The following HCRTR1 variants were observed in gnomAD, a reference collection of about 807,000 sequenced individuals.
The protein encoded by HCRTR1 is hypocretin receptor 1, also known as orexin/Hypocretin receptor type 1.
Under a neutral mutation model 40.6 loss-of-function variants are expected in HCRTR1, and 28 were observed. The ratio of observed to expected loss-of-function variants is 0.69; its 90% CI spans 0.51 to 0.95. The LOEUF is 0.95. Ranked by LOEUF, HCRTR1 falls within the 40% of genes least tolerant of loss-of-function variation. The pLI is 0.00. For synonymous variants in HCRTR1, 209 were observed against 230.0 expected (o/e 0.91, Z 0.83); for missense variants, 482 against 564.7 (o/e 0.85, Z 1.48).
At chr1:31,630,651 C>T (rs922785030), downstream of HCRTR1, 5 of 1,612,876 alleles carry the variant, frequency 3.1e-6, no homozygotes, top group African/African-American at 1.3e-5. Context: ...ACGAAGTCCT[C>T]GAAGCTGAGC....
chr1:31,627,235 T>C lies in HCRTR1; in HGVS notation c.*255T>C. 5.4e-6 allele frequency: 8 copies of C among 1,489,204 alleles called. No individual in the cohort carries two copies. In the South Asian group the frequency reaches 6.1e-5, roughly 11 times the overall value. 92.2% of individuals were successfully genotyped at this position (1,489,204 alleles called of 1,614,324 possible). Reference sequence around the variant, plus strand: ...ATGATTATTGTTGTACTTCTCTCATTTGGCCATACCCCACAGTATAATCTG... The same window carrying C: ...ATGATTATTGTTGTACTTCTCTCATCTGGCCATACCCCACAGTATAATCTG... On this transcript the variant is annotated 3_prime_UTR_variant, in exon 9 of 9. Coordinates refer to ENST00000403528, the MANE Select transcript of HCRTR1 (RefSeq NM_001525.3).
intron 6 of HCRTR1, 141 bp from the exon 7 acceptor site, chr1:31,623,382 G>GGGTTTT: frequency 1.6e-6 from 1 of 614,084 alleles, no homozygotes; most frequent in East Asian, 2.9e-5. Context: ...ATAAACATTA[G>GGGTTTT]ATTCCTTCCT....
Position 31,624,448 on chromosome 1 carries a change from C to CAAAAAAA in HCRTR1, c.966-532_966-526dup, listed in dbSNP as rs11438872. Among the ~76,000 whole-genome samples the CAAAAAAA allele has an allele frequency of 2.6e-3, 289 of 110,998 alleles. 10 individuals carry two copies. The highest frequency in any genetic ancestry group is 3.8e-3 in the Non-Finnish European group (232 of 60,704). The allele number at this position is 110,998 out of a possible 152,430, so 72.8% of individuals were successfully genotyped here. On this transcript the variant is annotated intron_variant, in intron 7 of 8. Coordinates refer to ENST00000403528, the MANE Select transcript of HCRTR1 (RefSeq NM_001525.3). ...TCCAGCCTGGGTGACACAGCTGTCT[C>CAAAAAAA]AAAAAAAAAAAAAAAAAAAAAAAGC...
downstream of HCRTR1, chr1:31,630,569 C>A (rs751336341): frequency 3.9e-5 from 61 of 1,569,928 alleles, 1 homozygote; most frequent in Middle Eastern, 2.3e-4. Flanking sequence ...TCTAAGAAGC[C>A]AGGAAAGGTC....
downstream of HCRTR1, chr1:31,633,184 A>C (rs1416786604): frequency 6.2e-7 from 1 of 1,614,030 alleles, no homozygotes. Flanking sequence ...AGGTCTCATC[A>C]TTGAATGAAG....
intron 1 of HCRTR1, among the ~76,000 whole-genome samples, chr1:31,618,538 A>C (rs898018835): frequency 5.9e-5 from 9 of 151,644 alleles, no homozygotes; most frequent in African/African-American, 2.2e-4. Flanking sequence ...TTCCCAACCC[A>C]AAGTTAAAGC....
Position 31,627,564 on chromosome 1 carries a change from CAG to C in HCRTR1, c.*589_*590del, listed in dbSNP as rs1640006250. Reference sequence around the variant, plus strand: ...TAAAACACTCTCCATGGCCACTTGGCAGAGAGGCCAGCAGCCCGAAGCAACTG... The same window carrying C: ...TAAAACACTCTCCATGGCCACTTGGCAGAGGCCAGCAGCCCGAAGCAACTG... On this transcript the variant is annotated 3_prime_UTR_variant, in exon 9 of 9. Transcript: ENST00000403528. 4 of 353,362 alleles carry C rather than the reference CAG, an allele frequency of 1.1e-5. No homozygotes were observed. In the Admixed American group the frequency reaches 1.1e-4, roughly 10 times the overall value. The allele number at this position is 353,362 out of a possible 1,614,324, so 21.9% of individuals were successfully genotyped here. A position where few individuals can be genotyped will look rare whatever the true frequency, so the allele number is the denominator to read the frequency against.
In HCRTR1 at chr1:31,626,998, G is replaced by A. The variant is rs773114308; in HGVS notation, c.*18G>A. Reference sequence around the variant, plus strand: ...TGCCCTGAGCGAGGGCTGCCCTGGAGGCTCCGGCTCGGGGGATCTGCCCCT... The same window carrying A: ...TGCCCTGAGCGAGGGCTGCCCTGGAAGCTCCGGCTCGGGGGATCTGCCCCT... On this transcript the variant is annotated 3_prime_UTR_variant, in exon 9 of 9. Transcript: ENST00000403528. This position sits in a 1 kb window ranked among gnomAD's most constrained non-coding sequence, Gnocchi z 4.6. The A allele has an allele frequency of 9.4e-6, 15 of 1,600,150 alleles. No homozygotes were observed. The South Asian group carries it at 1.2e-4, about 13-fold the overall frequency.
downstream of HCRTR1, chr1:31,629,759 AGCT>A (rs1266866262): frequency 4.6e-5 from 7 of 152,222 alleles, no homozygotes; most frequent in Non-Finnish European, 1.0e-4. Context: ...TGTCCCCCCA[AGCT>A]GCTGCTTTCT....
chr1:31,630,690 T>C (rs774191997), downstream of HCRTR1: 3 of 1,613,916 alleles, frequency 1.9e-6, no homozygotes, highest in South Asian at 1.1e-5. Context: ...GCTGTGTCCT[T>C]CTCCCGGAAG....
At position 31,627,073 on chromosome 1, in the gene HCRTR1, C is replaced by G; in HGVS notation, c.*93C>G. On this transcript the variant is annotated 3_prime_UTR_variant, in exon 9 of 9. Coordinates refer to ENST00000403528, the MANE Select transcript of HCRTR1 (RefSeq NM_001525.3). ...TGTGGTGAAAGGCTGTGGCTTCAGT[C>G]CTGGGTTTCTGCCTGTGTGACTCTG... 2 of 1,520,122 alleles carry G rather than the reference C, an allele frequency of 1.3e-6. No individual in the cohort carries two copies. The highest frequency in any genetic ancestry group is 1.8e-6 in the Non-Finnish European group (2 of 1,136,244). The allele number at this position is 1,520,122 out of a possible 1,614,324, so 94.2% of individuals were successfully genotyped here.
chr1:31,630,395 C>G, downstream of HCRTR1: 9 of 576,266 alleles, frequency 1.6e-5, no homozygotes, highest in Non-Finnish European at 2.5e-5. Context: ...TCTATCCTCT[C>G]CTCCATCAGG....
chr1:31,620,766 G>T, intron 4 of HCRTR1, 77 bp from the exon 5 acceptor site: 1 of 1,556,282 alleles, frequency 6.4e-7, no homozygotes, highest in Non-Finnish European at 8.7e-7. Context: ...TGCACCTGCC[G>T]TCAGCCTCCT....
At position 31,619,252 on chromosome 1, in the gene HCRTR1, G is replaced by C; in HGVS notation, c.60G>C (p.Pro20=). Residue 20 remains proline, a synonymous_variant, in exon 3 of 9, where the codon CCG becomes CCC. Coordinates refer to ENST00000403528, the MANE Select transcript of HCRTR1 (RefSeq NM_001525.3). ...GGGTCCCCCCTGGCAGCAGAGAGCCGTCCCCTGTGCCTCCAGACTATGAAG... is the reference window on the plus strand; with the variant it reads ...GGGTCCCCCCTGGCAGCAGAGAGCCCTCCCCTGTGCCTCCAGACTATGAAG... ...QMGVPPGSRE[P]SPVPPDYEDE... 6.2e-7 allele frequency: 1 copy of C among 1,613,868 alleles called. No individual in the cohort carries two copies. Among genetic ancestry groups the C allele is most frequent in the Non-Finnish European group, 8.5e-7 (1 of 1,180,016 alleles).
At chr1:31,630,957 G>T, downstream of HCRTR1, 1 of 850,788 alleles carries the variant, frequency 1.2e-6, no homozygotes, top group Non-Finnish European at 1.9e-6. Context: ...GGGCACAGAA[G>T]CACAAAGAGG....
chr1:31,631,459 T>C (rs1378192325), downstream of HCRTR1, among the ~76,000 whole-genome samples: 1 of 152,192 alleles, frequency 6.6e-6, no homozygotes, highest in Non-Finnish European at 1.5e-5. Context: ...GTCTCTTCAC[T>C]GGGATGCTTC....
In HCRTR1 at chr1:31,623,677, A is replaced by G; in HGVS notation, c.893A>G (p.Lys298Arg). Reference protein sequence around the residue: ...KQMRARRKTAKMLMVVLLVFA... With the variant: ...KQMRARRKTARMLMVVLLVFA... ...ATGCGTGCACGGAGGAAGACAGCCA[A>G]GATGCTGATGGTGGTGCTGCTGGTC... Residue 298 changes from lysine (K) to arginine (R), a missense_variant, in exon 7 of 9, where the codon AAG becomes AGG. Transcript: ENST00000403528. The G allele has an allele frequency of 6.2e-7, 1 of 1,614,174 alleles. No homozygotes were observed. The highest frequency in any genetic ancestry group is 1.3e-5 in the African/African-American group (1 of 75,076).
intron 7 of HCRTR1, among the ~76,000 whole-genome samples, chr1:31,624,620 T>C (rs1193642207): frequency 6.6e-6 from 1 of 152,158 alleles, no homozygotes; most frequent in Admixed American, 6.5e-5. Context: ...CACTTTGAGA[T>C]TGTGCTTGGC....
At chr1:31,619,412 G>A in intron 3 of HCRTR1, 21 bp downstream of exon 3, 1 of 1,613,724 alleles carries the variant, frequency 6.2e-7, no homozygotes, top group Non-Finnish European at 8.5e-7. Flanking sequence ...GGCTTGCCCG[G>A]CAGTGCTGCC....
Sources: allele counts gnomAD v4.1 joint callset (sites outside exome capture counted in the v4.1 genomes callset), GRCh38; gene constraint gnomAD v4.1.1; non-coding constraint Gnocchi (gnomAD v3.1); transcripts MANE v1.5; gene names NCBI Gene and HGNC (gene_info 2026-07-23, HGNC 2026-07-21).